Variants in GALC observed in about 807,000 individuals in gnomAD.
The protein encoded by GALC is galactosylceramidase, also known as galactocerebrosidase.
A neutral mutation model predicts 91.8 loss-of-function variants in GALC; 77 were observed. The observed-to-expected ratio is 0.84, with a 90% CI of 0.70 to 1.01. GALC has a LOEUF of 1.01. GALC is among the 50% of genes least tolerant of loss of function. The pLI is 0.00. For missense variants in GALC, 882 were observed against 855.9 expected, an observed-to-expected ratio of 1.03 and a Z score of -0.38; for synonymous variants, 357 against 306.7, an observed-to-expected ratio of 1.16 and a Z score of -1.71.
At position 87,952,622 on chromosome 14, in the gene GALC, A is replaced by G. The variant is rs539951251; in HGVS notation, c.1162-1874T>C. The G allele has an allele frequency of 1.2e-5, 18 of 1,525,748 alleles. No homozygotes were observed. The African/African-American group carries it at 1.9e-4, about 16-fold the overall frequency. 94.5% of individuals were successfully genotyped at this position (1,525,748 alleles called of 1,614,324 possible). On this transcript the variant is annotated intron_variant, in intron 10 of 16. Coordinates refer to ENST00000261304, the MANE Select transcript of GALC (RefSeq NM_000153.4). ...AAAAAATTCAGCTTTTATACAGTCA[A>G]CATTCTTTATATCTGAAGGATGAAA...
At chr14:87,957,151 G>A (rs1337754857) in intron 10 of GALC, among the ~76,000 whole-genome samples, 1 of 151,990 alleles carries the variant, frequency 6.6e-6, no homozygotes, top group African/African-American at 2.4e-5. Flanking sequence ...TATAGATTCT[G>A]GATGCTAGTC....
chr14:87,977,033 G>GGT (rs1555382928), intron 6 of GALC, among the ~76,000 whole-genome samples: 1 of 44,538 alleles, frequency 2.2e-5, no homozygotes, highest in Admixed American at 1.9e-4. Flanking sequence ...ATAGAAATAT[G>GGT]GGGGGGGGGG....
intron 13 of GALC, among the ~76,000 whole-genome samples, chr14:87,947,337 C>A (rs1327916726): frequency 6.6e-6 from 1 of 151,820 alleles, no homozygotes; most frequent in African/African-American, 2.4e-5. Context: ...AACATAACTG[C>A]CCATAAGCAC....
rs140960848 is a variant in GALC at position 87,972,338 on chromosome 14, T to C, written c.753-3848A>G. ...TTAAACCGGCAAAATTAGTCCATGG[T>C]GTCAGAGGTCAGATTAGTAGTTACC... On this transcript the variant is annotated intron_variant, in intron 7 of 16. Transcript: ENST00000261304. 2.0e-5 allele frequency among the ~76,000 whole-genome samples: 3 copies of C among 152,204 alleles called. No homozygotes were observed. In the East Asian group the frequency reaches 5.8e-4, roughly 29 times the overall value.
chr14:87,982,492 A>T (rs1182317891), intron 5 of GALC, among the ~76,000 whole-genome samples: 1 of 152,326 alleles, frequency 6.6e-6, no homozygotes, highest in Non-Finnish European at 1.5e-5. Flanking sequence ...AATTTATTCC[A>T]AAGATTTTCA....
At chr14:87,934,993 A>T in intron 16 of GALC, 115 bp from the exon 17 acceptor site, 1 of 739,356 alleles carries the variant, frequency 1.4e-6, no homozygotes, top group Non-Finnish European at 2.4e-6. Flanking sequence ...CTCACTCAAG[A>T]CTTAACCACA....
intron 3 of GALC, among the ~76,000 whole-genome samples, chr14:87,987,289 T>C (rs1419521534): frequency 6.6e-6 from 1 of 152,182 alleles, no homozygotes; most frequent in Non-Finnish European, 1.5e-5. Flanking sequence ...AAGGTAAACA[T>C]CAGAATTCAC....
In GALC at chr14:87,934,681, C is replaced by T. The variant is rs770709728; in HGVS notation, c.*51G>A. 86 of 1,611,432 alleles carry T rather than the reference C, an allele frequency of 5.3e-5. No homozygotes were observed. The highest frequency in any genetic ancestry group is 6.7e-5 in the Non-Finnish European group (79 of 1,178,782). ...AACAAGAATTGGCTCTGAACCAAAA[C>T]CAAAAAGAAGGGAAGAAAATCCAGA... is the stretch of plus-strand genomic sequence containing the variant. On this transcript the variant is annotated 3_prime_UTR_variant, in exon 17 of 17. Coordinates refer to ENST00000261304, the MANE Select transcript of GALC (RefSeq NM_000153.4).
At chr14:87,954,525 C>T (rs1885438094) in intron 10 of GALC, 1 of 1,558,278 alleles carries the variant, frequency 6.4e-7, no homozygotes, top group East Asian at 2.3e-5. Context: ...CATACAATGC[C>T]TTGGTCATCC....
intron 8 of GALC, among the ~76,000 whole-genome samples, chr14:87,966,507 AAAAG>A (rs1886060777): frequency 6.6e-6 from 1 of 152,206 alleles, no homozygotes; most frequent in Non-Finnish European, 1.5e-5. Flanking sequence ...CAGTATAAAA[AAAAG>A]AGACTGACAT....
intron 6 of GALC, among the ~76,000 whole-genome samples, chr14:87,977,126 G>A (rs915118798): frequency 7.3e-5 from 11 of 151,186 alleles, no homozygotes; most frequent in Non-Finnish European, 1.6e-4. Context: ...AGTCTCCTAT[G>A]CAGACACAAT....
At chr14:87,965,772 A>T in intron 8 of GALC, 143 bp from the exon 9 acceptor site, 1 of 829,508 alleles carries the variant, frequency 1.2e-6, no homozygotes. Context: ...ATAAGAAAAT[A>T]TAAGTTGTCT....
chr14:87,935,826 T>C (rs975095268), intron 16 of GALC, among the ~76,000 whole-genome samples: 4 of 152,034 alleles, frequency 2.6e-5, no homozygotes, highest in African/African-American at 4.8e-5. Flanking sequence ...ATTTTATGCG[T>C]GGAAACACTG....
chr14:87,976,838 A>C, intron 6 of GALC: 1 of 290,554 alleles, frequency 3.4e-6, no homozygotes, highest in East Asian at 8.7e-5. Flanking sequence ...CTGGTCTTGA[A>C]CTCCTGACCT....
chr14:87,949,768 A>C, intron 12 of GALC, 77 bp downstream of exon 12: 1 of 761,076 alleles, frequency 1.3e-6, no homozygotes, highest in Non-Finnish European at 2.3e-6. Flanking sequence ...AAAAATTCTT[A>C]ATTAATGACA....
intron 10 of GALC, chr14:87,959,685 A>G (rs1447722702): frequency 4.0e-5 from 6 of 150,268 alleles, no homozygotes; most frequent in African/African-American, 1.5e-4. Context: ...GCACCACTGT[A>G]CTCCAGCCTG....
intron 16 of GALC, among the ~76,000 whole-genome samples, chr14:87,937,355 T>C (rs1423598006): frequency 6.6e-6 from 1 of 151,632 alleles, no homozygotes; most frequent in Non-Finnish European, 1.5e-5. Context: ...CATGTAAAAA[T>C]TAAGCCAGGT....
intron 6 of GALC, 134 bp downstream of exon 6, chr14:87,982,071 C>T: frequency 1.9e-6 from 1 of 518,754 alleles, no homozygotes; most frequent in Non-Finnish European, 3.5e-6. Flanking sequence ...ATGTCACAAC[C>T]AGCAAAATAA....
At chr14:87,975,526 A>G (rs1366713121) in intron 7 of GALC, among the ~76,000 whole-genome samples, 1 of 152,154 alleles carries the variant, frequency 6.6e-6, no homozygotes, top group Non-Finnish European at 1.5e-5. Context: ...AATGTCTGGG[A>G]TTTCTTTCAA....
Sources: allele counts gnomAD v4.1 joint callset (sites outside exome capture counted in the v4.1 genomes callset), GRCh38; gene constraint gnomAD v4.1.1; transcripts MANE v1.5; gene names NCBI Gene and HGNC (gene_info 2026-07-23, HGNC 2026-07-21).